The following C1QTNF3 variants were observed in gnomAD, a reference collection of about 807,000 sequenced individuals.
C1QTNF3 encodes the protein complement C1q tumor necrosis factor-related protein 3.
C1QTNF3 carries 26 observed loss-of-function variants against 32.6 expected under a neutral mutation model. The observed-to-expected ratio is 0.80, with a 90% CI of 0.58 to 1.11. The LOEUF is 1.11. Among genes scored for constraint, C1QTNF3 ranks in the 50% least tolerant of loss-of-function variants. C1QTNF3 has a pLI of 0.00. For synonymous variants in C1QTNF3, 155 were observed against 146.0 expected (o/e 1.06, Z -0.44); for missense variants, 362 against 398.2 (o/e 0.91, Z 0.77).
chr5:34,036,952 CA>C lies in C1QTNF3; in HGVS notation c.304-1195del, dbSNP rs201796642. Among the ~76,000 whole-genome samples, 923 of 141,816 alleles carry C rather than the reference CA, an allele frequency of 6.5e-3. 14 individuals are homozygous for C. The highest frequency in any genetic ancestry group is 0.052 in the East Asian group (256 of 4,956). 93.0% of individuals were successfully genotyped at this position (141,816 alleles called of 152,430 possible). On this transcript the variant is annotated intron_variant, in intron 1 of 5. Transcript: ENST00000382065. Reference sequence around the variant, plus strand: ...GGGCGACAAGAGCAAGACACAGTCTCAAAAAAAAAAAATTGTGAAATGATTA... The same window carrying C: ...GGGCGACAAGAGCAAGACACAGTCTCAAAAAAAAAAATTGTGAAATGATTA...
chr5:34,028,033 C>T (rs1227070818), intron 4 of C1QTNF3, among the ~76,000 whole-genome samples: 20 of 151,930 alleles, frequency 1.3e-4, no homozygotes, highest in Admixed American at 1.2e-3. Flanking sequence ...AGTGCAGTCG[C>T]GCGATCTCCG....
At chr5:34,022,305 G>A (rs1754350209) in intron 5 of C1QTNF3, among the ~76,000 whole-genome samples, 1 of 152,226 alleles carries the variant, frequency 6.6e-6, no homozygotes, top group African/African-American at 2.4e-5. Context: ...GTTTGACTCA[G>A]CTTTCAAATT....
chr5:34,195,644 A>T, the C1QTNF3 span, among the ~76,000 whole-genome samples: 1 of 152,250 alleles, frequency 6.6e-6, no homozygotes, highest in African/African-American at 2.4e-5. Flanking sequence ...GATCGAGATC[A>T]TCCTGGCTAA....
chr5:34,049,183 C>G, the C1QTNF3 span, among the ~76,000 whole-genome samples: 189 of 152,264 alleles, frequency 1.2e-3, 2 homozygotes, highest in African/African-American at 4.4e-3. Context: ...TAGCTGGTTC[C>G]AGGTCAGCTT....
the C1QTNF3 span, among the ~76,000 whole-genome samples, chr5:34,201,477 TTAAACA>T: frequency 6.6e-6 from 1 of 152,090 alleles, no homozygotes; most frequent in Non-Finnish European, 1.5e-5. Context: ...GGCTCGTTGC[TTAAACA>T]TAAAGTTAAA....
chr5:34,057,306 T>C, the C1QTNF3 span, among the ~76,000 whole-genome samples: 1 of 152,162 alleles, frequency 6.6e-6, no homozygotes, highest in Non-Finnish European at 1.5e-5. Flanking sequence ...AAGAATAATC[T>C]AGAACAATGT....
chr5:34,084,143 C>CT, the C1QTNF3 span, among the ~76,000 whole-genome samples: 1 of 151,644 alleles, frequency 6.6e-6, no homozygotes, highest in Admixed American at 6.6e-5. Flanking sequence ...ACTTTATATT[C>CT]TAGGCATCTG....
the C1QTNF3 span, among the ~76,000 whole-genome samples, chr5:34,074,393 C>G: frequency 6.6e-6 from 1 of 151,694 alleles, no homozygotes; most frequent in African/African-American, 2.4e-5. Flanking sequence ...ACAGACAAAA[C>G]TTGACAATTG....
the C1QTNF3 span, among the ~76,000 whole-genome samples, chr5:34,090,786 A>G: frequency 6.6e-6 from 1 of 152,176 alleles, no homozygotes; most frequent in South Asian, 2.1e-4. Flanking sequence ...TTGAAAAGAC[A>G]GCCATCTGCG....
the C1QTNF3 span, among the ~76,000 whole-genome samples, chr5:34,212,893 T>C: frequency 1.3e-5 from 2 of 151,352 alleles, no homozygotes; most frequent in African/African-American, 2.4e-5. Flanking sequence ...GACCCAGCCA[T>C]CCCATTACTG....
At chr5:34,146,340 A>G in the C1QTNF3 span, among the ~76,000 whole-genome samples, 1 of 152,236 alleles carries the variant, frequency 6.6e-6, no homozygotes, top group Non-Finnish European at 1.5e-5. Flanking sequence ...TGGAACCTAA[A>G]AAGATCCTAA....
At chr5:34,145,656 C>T in the C1QTNF3 span, among the ~76,000 whole-genome samples, 19 of 140,422 alleles carry the variant, frequency 1.4e-4, no homozygotes, top group Non-Finnish European at 2.4e-4. Context: ...CAACCTGATA[C>T]CACAATCTGG....
the C1QTNF3 span, among the ~76,000 whole-genome samples, chr5:34,075,333 C>A: frequency 6.6e-6 from 1 of 151,332 alleles, no homozygotes; most frequent in Non-Finnish European, 1.5e-5. Flanking sequence ...ATATAATTCA[C>A]AAGAGTTAAA....
the C1QTNF3 span, among the ~76,000 whole-genome samples, chr5:34,067,135 T>C: frequency 1.3e-5 from 2 of 152,210 alleles, no homozygotes; most frequent in Admixed American, 1.3e-4. Context: ...TCTGATATCA[T>C]CTCAGCCTGG....
the C1QTNF3 span, among the ~76,000 whole-genome samples, chr5:34,224,442 A>G: frequency 1.3e-5 from 2 of 152,196 alleles, no homozygotes; most frequent in Non-Finnish European, 2.9e-5. Context: ...TGGTACTGGT[A>G]CCAAAACAGA....
At chr5:34,121,858 T>C in the C1QTNF3 span, among the ~76,000 whole-genome samples, 5 of 152,072 alleles carry the variant, frequency 3.3e-5, no homozygotes, top group African/African-American at 9.7e-5. Flanking sequence ...CTTTATAAAA[T>C]AAGTCTGAGA....
the C1QTNF3 span, among the ~76,000 whole-genome samples, chr5:34,135,204 T>C: frequency 6.6e-6 from 1 of 152,214 alleles, no homozygotes; most frequent in Non-Finnish European, 1.5e-5. Flanking sequence ...GTTCTGTTTA[T>C]GTGATGGATT....
the C1QTNF3 span, among the ~76,000 whole-genome samples, chr5:34,085,588 T>G: frequency 6.6e-6 from 1 of 151,510 alleles, no homozygotes; most frequent in Non-Finnish European, 1.5e-5. Context: ...GTCAGGTAGC[T>G]TGATGTCTCC....
chr5:34,049,630 T>C, the C1QTNF3 span, among the ~76,000 whole-genome samples: 1 of 152,244 alleles, frequency 6.6e-6, no homozygotes, highest in African/African-American at 2.4e-5. Context: ...CAGCAGGATC[T>C]TGAAAGATCC....
Sources: allele counts gnomAD v4.1 joint callset (sites outside exome capture counted in the v4.1 genomes callset), GRCh38; gene constraint gnomAD v4.1.1; transcripts MANE v1.5; gene names NCBI Gene and HGNC (gene_info 2026-07-23, HGNC 2026-07-21).